Variants in CES5A observed in about 807,000 individuals in gnomAD.
The protein encoded by CES5A is carboxylesterase 5.
In CES5A, 67 loss-of-function variants were observed where a neutral mutation model predicts 62.9. The ratio of observed to expected loss-of-function variants is 1.07; its 90% CI spans 0.88 to 1.31. The LOEUF (loss-of-function observed/expected upper bound fraction) is 1.31. Ranked by LOEUF, CES5A falls within the 50% of genes most tolerant of loss-of-function variation. The pLI is 0.00. For missense variants in CES5A, 748 were observed against 708.5 expected (o/e 1.06, Z -0.63); for synonymous variants, 296 against 280.8 (o/e 1.05, Z -0.54).
intron 2 of CES5A, among the ~76,000 whole-genome samples, chr16:55,943,464 C>A (rs1420678599): frequency 6.6e-6 from 1 of 152,212 alleles, no homozygotes; most frequent in African/African-American, 2.4e-5. Flanking sequence ...CCCTTTCTCT[C>A]TGGCATTACA....
intron 2 of CES5A, among the ~76,000 whole-genome samples, chr16:55,943,340 G>A (rs766103268): frequency 1.2e-4 from 18 of 152,174 alleles, no homozygotes; most frequent in Non-Finnish European, 2.1e-4. Context: ...ATGAGGGAGC[G>A]ACTCCCAAGG....
At chr16:55,921,821 T>C (rs1323567000) in intron 1 of CES5A, among the ~76,000 whole-genome samples, 1 of 151,904 alleles carries the variant, frequency 6.6e-6, no homozygotes, top group Admixed American at 6.6e-5. Flanking sequence ...TACAGCAAAC[T>C]GTTAAGAAAT....
In CES5A at chr16:55,875,132, C is replaced by G; in HGVS notation, c.73+17G>C. The G allele has an allele frequency of 6.2e-7, 1 of 1,612,380 alleles. No individual in the cohort carries two copies. The highest frequency in any genetic ancestry group is 8.5e-7 in the Non-Finnish European group (1 of 1,178,356). Reference sequence around the variant, plus strand: ...CCCCATCTTCTGAGAGCCCTCCTTTCCCATTGGATATCTCACCTTTGGTGG... The same window carrying G: ...CCCCATCTTCTGAGAGCCCTCCTTTGCCATTGGATATCTCACCTTTGGTGG... On this transcript the variant is annotated intron_variant, in intron 1 of 12. Transcript: ENST00000290567.
At chr16:55,847,269 CTCTT>C (rs1163173264) in intron 11 of CES5A, among the ~76,000 whole-genome samples, 1 of 150,004 alleles carries the variant, frequency 6.7e-6, no homozygotes, top group Non-Finnish European at 1.5e-5. Context: ...TCTCCCCTCT[CTCTT>C]CCTTCCCTCT....
intron 2 of CES5A, among the ~76,000 whole-genome samples, chr16:55,936,466 T>A (rs897418420): frequency 1.3e-5 from 2 of 152,208 alleles, no homozygotes; most frequent in African/African-American, 2.4e-5. Flanking sequence ...AGCATCTACA[T>A]GCTGCAAAGT....
intron 2 of CES5A, among the ~76,000 whole-genome samples, chr16:55,934,023 T>C (rs1161128189): frequency 6.6e-6 from 1 of 152,070 alleles, no homozygotes; most frequent in Admixed American, 6.6e-5. Context: ...GCACTTGTTG[T>C]TCCTGCTCTC....
intron 1 of CES5A, among the ~76,000 whole-genome samples, chr16:55,874,369 C>T (rs2033657220): frequency 6.6e-6 from 1 of 152,154 alleles, no homozygotes; most frequent in Non-Finnish European, 1.5e-5. Flanking sequence ...TCTGTAGATC[C>T]TGGGATGCCA....
intron 6 of CES5A, 31 bp from the exon 7 acceptor site, chr16:55,861,547 A>G: frequency 6.8e-7 from 1 of 1,477,032 alleles, no homozygotes; most frequent in Non-Finnish European, 9.5e-7. Flanking sequence ...GGGTTAGAGC[A>G]TGATATTGAA....
At chr16:55,892,926 G>T (rs1484772823) in intron 1 of CES5A, among the ~76,000 whole-genome samples, 2 of 152,130 alleles carry the variant, frequency 1.3e-5, no homozygotes, top group Non-Finnish European at 2.9e-5. Flanking sequence ...AAAAGGATTA[G>T]CCTATCAGAG....
chr16:55,925,251 T>G (rs776618307), intron 1 of CES5A: 3 of 151,904 alleles, frequency 2.0e-5, no homozygotes, highest in African/African-American at 7.3e-5. Flanking sequence ...AACAAGTATA[T>G]GAAAAACAAT....
At chr16:55,938,596 G>A (rs1287016077) in intron 2 of CES5A, among the ~76,000 whole-genome samples, 1 of 150,704 alleles carries the variant, frequency 6.6e-6, no homozygotes, top group Non-Finnish European at 1.5e-5. Context: ...AATTATCTGG[G>A]TATGGTGGCG....
intron 11 of CES5A, among the ~76,000 whole-genome samples, chr16:55,849,226 G>T (rs1172818857): frequency 1.3e-5 from 2 of 152,230 alleles, no homozygotes; most frequent in Admixed American, 1.3e-4. Context: ...CTTTGAGCTG[G>T]AATTATGAAA....
intron 1 of CES5A, among the ~76,000 whole-genome samples, chr16:55,899,034 T>C (rs1239873073): frequency 1.3e-5 from 2 of 152,042 alleles, no homozygotes; most frequent in African/African-American, 2.4e-5. Flanking sequence ...AAGGTAAGCA[T>C]TAAAAACCCC....
intron 4 of CES5A, among the ~76,000 whole-genome samples, chr16:55,869,279 C>T (rs2033533297): frequency 6.6e-6 from 1 of 152,182 alleles, no homozygotes; most frequent in African/African-American, 2.4e-5. Flanking sequence ...TCGGTCCACC[C>T]ACCAAATGCA....
chr16:55,953,938 C>T (rs113925581), intron 1 of CES5A, among the ~76,000 whole-genome samples: 3,183 of 152,216 alleles, frequency 0.021, 116 homozygotes, highest in African/African-American at 0.073. Flanking sequence ...CAATAAATTA[C>T]TGTTGACTAT....
chr16:55,856,361 C>T lies in CES5A; in HGVS notation c.1125+16G>A. On this transcript the variant is annotated intron_variant, in intron 9 of 12. Transcript: ENST00000290567. ...GCATGTGTCTCTGGAGTACTGCAGC[C>T]TCCCAAGCTACTCACCAGGATGTTT... The T allele has an allele frequency of 6.2e-7, 1 of 1,613,554 alleles. No individual in the cohort carries two copies. The highest frequency in any genetic ancestry group is 1.3e-5 in the African/African-American group (1 of 75,030).
rs371966954 is a variant in CES5A, at chr16:55,856,359, G to T, written c.1125+18C>A. ...GTGCATGTGTCTCTGGAGTACTGCA[G>T]CCTCCCAAGCTACTCACCAGGATGT... On this transcript the variant is annotated intron_variant, in intron 9 of 12. Coordinates refer to ENST00000290567, the MANE Select transcript of CES5A (RefSeq NM_001143685.2). The T allele has an allele frequency of 1.6e-5, 26 of 1,612,712 alleles. No individual in the cohort carries two copies. In the African/African-American group the frequency reaches 3.1e-4, roughly 19 times the overall value.
At chr16:55,945,198 A>G (rs2034481457) in intron 2 of CES5A, among the ~76,000 whole-genome samples, 2 of 147,476 alleles carry the variant, frequency 1.4e-5, no homozygotes, top group South Asian at 4.2e-4. Flanking sequence ...TAATGCCCAA[A>G]TTAATAGCTT....
intron 1 of CES5A, among the ~76,000 whole-genome samples, chr16:55,909,129 C>T (rs1237728202): frequency 6.6e-6 from 1 of 152,230 alleles, no homozygotes; most frequent in African/African-American, 2.4e-5. Flanking sequence ...TCGTTTGGGT[C>T]AAGGCTGTAC....
Sources: gnomAD v4.1 joint callset for allele counts (sites outside exome capture counted in the v4.1 genomes callset) on GRCh38, gnomAD v4.1.1 for gene constraint, MANE v1.5 for transcripts, NCBI Gene and HGNC (gene_info 2026-07-23, HGNC 2026-07-21) for gene names.